SYT9: variants seen among roughly 807,000 people sequenced by gnomAD.
The protein encoded by SYT9 is synaptotagmin 9.
A neutral mutation model predicts 48.4 loss-of-function variants in SYT9; 22 were observed. The observed-to-expected ratio is 0.45, with a 90% CI of 0.32 to 0.65. The LOEUF (loss-of-function observed/expected upper bound fraction) is 0.65, where lower values mean the gene tolerates loss of function less well. Ranked by LOEUF, SYT9 falls within the 30% of genes least tolerant of loss-of-function variation. The pLI is 0.03. For missense variants in SYT9, 577 were observed against 622.0 expected (o/e 0.93, Z 0.77); for synonymous variants, 265 against 245.0 (o/e 1.08, Z -0.76).
In SYT9 at chr11:7,430,546, G is replaced by T. The variant is rs902252692; in HGVS notation, c.1467+9911G>T. Among the ~76,000 whole-genome samples, 12 of 152,266 alleles carry T rather than the reference G, an allele frequency of 7.9e-5. No homozygotes were observed. In the South Asian group the frequency reaches 1.7e-3, roughly 21 times the overall value. The stretch of plus-strand genomic sequence containing the variant: ...TATTAGTAAAGTTTACTAAAGAGCG[G>T]TCATAAAACCAATTAATATGGTTTA... On this transcript the variant is annotated intron_variant, in intron 6 of 6. Coordinates refer to ENST00000318881, the MANE Select transcript of SYT9 (RefSeq NM_175733.4).
intron 1 of SYT9, among the ~76,000 whole-genome samples, chr11:7,258,810 C>T (rs920361988): frequency 1.3e-5 from 2 of 152,034 alleles, no homozygotes; most frequent in Non-Finnish European, 2.9e-5. Flanking sequence ...CAGCCGTGGT[C>T]CACAAACATG....
At chr11:7,240,077 G>C (rs1333022487) in intron 1 of SYT9, among the ~76,000 whole-genome samples, 1 of 152,138 alleles carries the variant, frequency 6.6e-6, no homozygotes, top group Non-Finnish European at 1.5e-5. Context: ...AAGCTCTGTG[G>C]CATGCCGACA....
chr11:7,422,223 G>GGGAA (rs1847369839), intron 6 of SYT9, among the ~76,000 whole-genome samples: 1 of 152,134 alleles, frequency 6.6e-6, no homozygotes, highest in Non-Finnish European at 1.5e-5. Flanking sequence ...ACCCAGACAG[G>GGGAA]GGAACCAAGG....
intron 6 of SYT9, chr11:7,457,629 A>G (rs543649608): frequency 6.6e-4 from 100 of 152,344 alleles, no homozygotes; most frequent in African/African-American, 2.3e-3. Flanking sequence ...TAGTGGTTCT[A>G]TTAATGCACC....
At chr11:7,434,972 T>C (rs1394830006) in intron 6 of SYT9, 1 of 152,172 alleles carries the variant, frequency 6.6e-6, no homozygotes, top group African/African-American at 2.4e-5. Context: ...ATCACATGAA[T>C]GTGCACTTAC....
chr11:7,246,634 T>G (rs901523020), intron 1 of SYT9, among the ~76,000 whole-genome samples: 2 of 152,186 alleles, frequency 1.3e-5, no homozygotes, highest in Non-Finnish European at 2.9e-5. Context: ...ATTTACCAGT[T>G]TTTTGCCTAT....
At chr11:7,440,107 CG>C (rs1162026740) in intron 6 of SYT9, 5 of 152,352 alleles carry the variant, frequency 3.3e-5, no homozygotes, top group South Asian at 2.1e-4. Context: ...CCTCTGTTCC[CG>C]TACAACCTGA....
chr11:7,371,036 G>C (rs897474711), intron 3 of SYT9, among the ~76,000 whole-genome samples: 3 of 152,066 alleles, frequency 2.0e-5, no homozygotes, highest in Non-Finnish European at 4.4e-5. Context: ...TACTTTGATA[G>C]ACTTTTGTAC....
At chr11:7,453,033 C>T (rs1250687944) in intron 6 of SYT9, among the ~76,000 whole-genome samples, 2 of 151,950 alleles carry the variant, frequency 1.3e-5, no homozygotes, top group African/African-American at 2.4e-5. Flanking sequence ...CCCCCTGCCT[C>T]GGCCTCCCAA....
At chr11:7,358,103 G>C (rs1046258871) in intron 3 of SYT9, among the ~76,000 whole-genome samples, 6 of 152,068 alleles carry the variant, frequency 3.9e-5, no homozygotes, top group Non-Finnish European at 1.5e-5. Flanking sequence ...TACATGTTAA[G>C]AGGTGATGAG....
intron 3 of SYT9, among the ~76,000 whole-genome samples, chr11:7,374,836 A>G (rs1211437076): frequency 2.6e-5 from 4 of 151,902 alleles, no homozygotes; most frequent in Admixed American, 6.6e-5. Flanking sequence ...TGTCAGATGG[A>G]TAGATTGCAA....
At chr11:7,292,480 A>G (rs1334893327) in intron 1 of SYT9, among the ~76,000 whole-genome samples, 4 of 152,294 alleles carry the variant, frequency 2.6e-5, no homozygotes, top group South Asian at 2.1e-4. Context: ...AGGCGGCCCA[A>G]AGTCTCACAG....
chr11:7,427,822 G>A (rs910046641), intron 6 of SYT9: 6 of 152,222 alleles, frequency 3.9e-5, no homozygotes, highest in Non-Finnish European at 8.8e-5. Flanking sequence ...ACTGATTGCA[G>A]AGAACATAAA....
intron 3 of SYT9, among the ~76,000 whole-genome samples, chr11:7,375,557 G>C (rs551624553): frequency 6.6e-6 from 1 of 152,020 alleles, no homozygotes; most frequent in Non-Finnish European, 1.5e-5. Context: ...AGCATAGAAT[G>C]TTTTTCCATT....
chr11:7,362,142 AT>A (rs59675647), intron 3 of SYT9, among the ~76,000 whole-genome samples: 39,519 of 138,182 alleles, frequency 0.29, 5,215 homozygotes, highest in Non-Finnish European at 0.35. Context: ...ATTTTATTTT[AT>A]TTTTTTTTTA....
intron 3 of SYT9, among the ~76,000 whole-genome samples, chr11:7,378,390 G>T (rs763866530): frequency 2.0e-5 from 3 of 152,104 alleles, no homozygotes; most frequent in African/African-American, 4.8e-5. Flanking sequence ...AATCAGATCT[G>T]TGTTTACACA....
intron 3 of SYT9, among the ~76,000 whole-genome samples, chr11:7,363,205 T>C (rs1425576477): frequency 6.6e-6 from 1 of 152,124 alleles, no homozygotes; most frequent in African/African-American, 2.4e-5. Context: ...CTACTCTTGC[T>C]GCTACTACAG....
chr11:7,294,758 G>T (rs1482401314), intron 1 of SYT9, among the ~76,000 whole-genome samples: 1 of 152,226 alleles, frequency 6.6e-6, no homozygotes, highest in Non-Finnish European at 1.5e-5. Context: ...ACACATCTGG[G>T]CAGCCCTTTC....
intron 6 of SYT9, chr11:7,453,908 A>C: frequency 1.2e-6 from 1 of 813,258 alleles, no homozygotes; most frequent in Non-Finnish European, 1.5e-6. Context: ...CTAAGTTCAG[A>C]TCTCAGTCGC....
Sources: allele counts gnomAD v4.1 joint callset (sites outside exome capture counted in the v4.1 genomes callset), GRCh38; gene constraint gnomAD v4.1.1; transcripts MANE v1.5; gene names NCBI Gene and HGNC (gene_info 2026-07-23, HGNC 2026-07-21).